Variants in ATG7 observed in about 807,000 individuals in gnomAD.
ATG7 encodes ubiquitin-like modifier-activating enzyme ATG7.
ATG7 carries 70 observed loss-of-function variants against 82.4 expected under a neutral mutation model. The observed-to-expected ratio is 0.85, with a 90% CI of 0.70 to 1.04. The LOEUF is 1.04. Ranked by LOEUF, ATG7 falls within the 50% of genes least tolerant of loss-of-function variation. The pLI is 0.00. For missense variants in ATG7, 792 were observed against 864.3 expected (o/e 0.92, Z 1.05); for synonymous variants, 287 against 313.0 (o/e 0.92, Z 0.88).
At chr3:11,527,112 C>T (rs2092601752) in intron 20 of ATG7, among the ~76,000 whole-genome samples, 1 of 147,836 alleles carries the variant, frequency 6.8e-6, no homozygotes, top group South Asian at 2.1e-4. Flanking sequence ...TACATATACA[C>T]ACATTTTTTT....
At chr3:11,407,845 C>T (rs554666886) in intron 19 of ATG7, among the ~76,000 whole-genome samples, 2 of 152,292 alleles carry the variant, frequency 1.3e-5, no homozygotes, top group East Asian at 3.9e-4. Context: ...GGGCTCAGCC[C>T]TTGAAACCAT....
At chr3:11,299,447 A>G (rs1339415916) in intron 5 of ATG7, 31 bp downstream of exon 5, 1 of 1,576,178 alleles carries the variant, frequency 6.3e-7, no homozygotes, top group African/African-American at 1.4e-5. Context: ...AATCTGAAGT[A>G]AAGAATACTA....
chr3:11,482,050 G>C (rs1035094534), intron 20 of ATG7, among the ~76,000 whole-genome samples: 3 of 152,208 alleles, frequency 2.0e-5, no homozygotes, highest in African/African-American at 7.2e-5. Context: ...AATTCTCCAC[G>C]TGTGGGAGCT....
chr3:11,456,053 G>A (rs1273879744), intron 20 of ATG7, among the ~76,000 whole-genome samples: 2 of 152,044 alleles, frequency 1.3e-5, no homozygotes, highest in African/African-American at 2.4e-5. Context: ...TTAATATTCA[G>A]AGTTGTGTAA....
chr3:11,383,180 C>T (rs979872005), intron 19 of ATG7, among the ~76,000 whole-genome samples: 2 of 152,128 alleles, frequency 1.3e-5, no homozygotes, highest in East Asian at 3.9e-4. Context: ...CCTTCCAGAC[C>T]AGGATCCAGT....
rs543631229 is a variant in ATG7, at chr3:11,352,016, G to A, written c.1284+3981G>A. On this transcript the variant is annotated intron_variant, in intron 14 of 20. Coordinates refer to ENST00000693202, the MANE Select transcript of ATG7 (RefSeq NM_001349232.2). The stretch of plus-strand genomic sequence containing the variant: ...TCCCTCCCCCCTCCCTCCACGCCAC[G>A]ACAGGCACTTGTGTGTGATGTTCCC... 1.5e-4 allele frequency among the ~76,000 whole-genome samples: 15 copies of A among 99,710 alleles called. No individual in the cohort carries two copies. In the South Asian group the frequency reaches 4.8e-3, roughly 32 times the overall value. The allele number at this position is 99,710 out of a possible 152,430, so 65.4% of individuals were successfully genotyped here.
the ATG7 span, among the ~76,000 whole-genome samples, chr3:11,565,764 T>TCA: frequency 6.6e-6 from 1 of 152,118 alleles, no homozygotes; most frequent in East Asian, 1.9e-4. The surrounding 1 kb of genome is among the most constrained non-coding windows in gnomAD (Gnocchi z 4.1). Context: ...GGTGAGACAG[T>TCA]CAGCACCACC....
chr3:11,573,253 AAG>A, the ATG7 span, among the ~76,000 whole-genome samples: 60 of 4,396 alleles, frequency 0.014, 3 homozygotes, highest in Non-Finnish European at 4.4e-3. Context: ...TAGAGAAAGA[AAG>A]AAAGAAAGAA....
chr3:11,553,671 C>T (rs1235521014), intron 20 of ATG7, among the ~76,000 whole-genome samples: 1 of 152,192 alleles, frequency 6.6e-6, no homozygotes, highest in Non-Finnish European at 1.5e-5. Flanking sequence ...GGCATCTAGA[C>T]CTCGCTTGGC....
At chr3:11,448,960 C>G (rs2084844778) in intron 20 of ATG7, among the ~76,000 whole-genome samples, 1 of 152,122 alleles carries the variant, frequency 6.6e-6, no homozygotes, top group African/African-American at 2.4e-5. Context: ...TAAAAGAAAC[C>G]TGGAATTAGG....
intron 9 of ATG7, among the ~76,000 whole-genome samples, chr3:11,327,735 T>C (rs750761771): frequency 6.6e-6 from 1 of 152,218 alleles, no homozygotes; most frequent in Non-Finnish European, 1.5e-5. Context: ...CCCCAGGTGA[T>C]ACCCAAGCAT....
chr3:11,372,052 C>T (rs2077035749), intron 18 of ATG7, among the ~76,000 whole-genome samples: 1 of 151,384 alleles, frequency 6.6e-6, no homozygotes, highest in Non-Finnish European at 1.5e-5. Flanking sequence ...TTTCATTCCC[C>T]ACGGTGAGGA....
chr3:11,572,180 T>C, the ATG7 span, among the ~76,000 whole-genome samples: 1 of 152,232 alleles, frequency 6.6e-6, no homozygotes, highest in African/African-American at 2.4e-5. Flanking sequence ...CTCTCATTTA[T>C]TGAAGGACAT....
At chr3:11,405,666 C>T (rs540986643) in intron 19 of ATG7, among the ~76,000 whole-genome samples, 5 of 152,118 alleles carry the variant, frequency 3.3e-5, no homozygotes, top group East Asian at 1.9e-4. Context: ...CTCACTCTGT[C>T]GTCCAGGCTG....
At chr3:11,477,417 T>C (rs2088382623) in intron 20 of ATG7, 1 of 683,104 alleles carries the variant, frequency 1.5e-6, no homozygotes, top group African/African-American at 2.0e-5. Context: ...TATAATTCTA[T>C]TTCTTTTAAA....
At chr3:11,360,351 A>G (rs1201411864) in intron 15 of ATG7, among the ~76,000 whole-genome samples, 1 of 152,192 alleles carries the variant, frequency 6.6e-6, no homozygotes, top group East Asian at 1.9e-4. Context: ...CTGGTCTGTT[A>G]TGAGTTTCAA....
intron 20 of ATG7, among the ~76,000 whole-genome samples, chr3:11,508,896 CTAATAACAAAT>C (rs933390287): frequency 1.1e-4 from 16 of 152,194 alleles, no homozygotes; most frequent in African/African-American, 3.4e-4. Context: ...ACTTACAAAA[CTAATAACAAAT>C]TAATAACAAA....
chr3:11,324,558 C>T (rs935228079), intron 9 of ATG7, among the ~76,000 whole-genome samples: 1 of 152,118 alleles, frequency 6.6e-6, no homozygotes, highest in Non-Finnish European at 1.5e-5. Context: ...AGATTTTCCT[C>T]CTTAGCAGAT....
At chr3:11,295,451 G>T (rs935624165) in intron 3 of ATG7, among the ~76,000 whole-genome samples, 1 of 152,074 alleles carries the variant, frequency 6.6e-6, no homozygotes, top group Non-Finnish European at 1.5e-5. Flanking sequence ...CACCCATTAG[G>T]AATCCAGTGG....
Sources: allele counts gnomAD v4.1 joint callset (sites outside exome capture counted in the v4.1 genomes callset), GRCh38; gene constraint gnomAD v4.1.1; non-coding constraint Gnocchi (gnomAD v3.1); transcripts MANE v1.5; gene names NCBI Gene and HGNC (gene_info 2026-07-23, HGNC 2026-07-21).